PCDHGB7: variants seen among roughly 807,000 people sequenced by gnomAD.
PCDHGB7 encodes protocadherin gamma-B7.
In PCDHGB7, 37 loss-of-function variants were observed where a neutral mutation model predicts 61.4. The ratio of observed to expected loss-of-function variants is 0.60; its 90% CI spans 0.46 to 0.79. The LOEUF (loss-of-function observed/expected upper bound fraction) is 0.79, where lower values mean the gene tolerates loss of function less well. Among genes scored for constraint, PCDHGB7 ranks in the 30% least tolerant of loss-of-function variants. PCDHGB7 has a pLI of 0.00. For synonymous variants in PCDHGB7, 464 were observed against 503.5 expected, an observed-to-expected ratio of 0.92 and a Z score of 1.05; for missense variants, 1,166 against 1,202.5, an observed-to-expected ratio of 0.97 and a Z score of 0.45.
chr5:141,502,900 T>C (rs1433421797), intron 2 of PCDHGB7, among the ~76,000 whole-genome samples: 2 of 147,288 alleles, frequency 1.4e-5, no homozygotes, highest in Non-Finnish European at 3.0e-5. Flanking sequence ...TCTAGCTCTG[T>C]TGCCAGGCTG....
At chr5:141,498,011 G>A (rs995865984) in intron 2 of PCDHGB7, among the ~76,000 whole-genome samples, 2 of 152,204 alleles carry the variant, frequency 1.3e-5, no homozygotes, top group Non-Finnish European at 2.9e-5. Flanking sequence ...ACAGTGCACT[G>A]AAGGAGACAA....
intron 1 of PCDHGB7, chr5:141,478,477 C>T: frequency 6.2e-7 from 1 of 1,613,796 alleles, no homozygotes; most frequent in Non-Finnish European, 8.5e-7. Flanking sequence ...GCCGCCAGAA[C>T]ACGCTGCGGA....
At chr5:141,421,080 C>CA (rs2096545590) in intron 1 of PCDHGB7, 1 of 638,250 alleles carries the variant, frequency 1.6e-6, no homozygotes, top group East Asian at 2.9e-5. Context: ...GATGGATACT[C>CA]ACAGATCCTG....
chr5:141,511,581 T>C lies in PCDHGB7; in HGVS notation c.*408T>C, dbSNP rs2099883862. ...TCTTTCCCGAGTAAGGTGGTTGGGG[T>C]GTTGAAGTACCAAGTAACCTACAAG... On this transcript the variant is annotated 3_prime_UTR_variant, in exon 4 of 4. Transcript: ENST00000398594. 1 of 281,638 alleles carries C rather than the reference T, an allele frequency of 3.6e-6. No homozygotes were observed. The highest frequency in any genetic ancestry group is 2.2e-5 in the African/African-American group (1 of 46,302). 17.4% of individuals were successfully genotyped at this position (281,638 alleles called of 1,614,324 possible). A position where few individuals can be genotyped will look rare whatever the true frequency, so the allele number is the denominator to read the frequency against.
chr5:141,478,381 C>A (rs931860600), intron 1 of PCDHGB7: 1 of 1,613,664 alleles, frequency 6.2e-7, no homozygotes, highest in Admixed American at 1.7e-5. Flanking sequence ...TGTCGCCGCA[C>A]CTTTACCATC....
intron 1 of PCDHGB7, among the ~76,000 whole-genome samples, chr5:141,484,107 A>C (rs13361997): frequency 0.24 from 37,195 of 152,070 alleles, 6,332 homozygotes; most frequent in African/African-American, 0.48. Context: ...TAATTAACAA[A>C]AGATCAAGAA....
At chr5:141,506,432 C>A (rs2099853359) in intron 3 of PCDHGB7, among the ~76,000 whole-genome samples, 1 of 132,482 alleles carries the variant, frequency 7.5e-6, no homozygotes, top group Non-Finnish European at 1.6e-5. Context: ...GGGCAACAGT[C>A]TCGCTCTGTC....
chr5:141,441,155 T>A (rs2098229690), intron 1 of PCDHGB7: 1 of 152,230 alleles, frequency 6.6e-6, no homozygotes, highest in East Asian at 1.9e-4. Flanking sequence ...GACAATATCC[T>A]AGAGGCGATT....
intron 2 of PCDHGB7, among the ~76,000 whole-genome samples, chr5:141,500,939 G>T (rs2099804123): frequency 6.6e-6 from 1 of 151,680 alleles, no homozygotes; most frequent in South Asian, 2.1e-4. Context: ...CGCCATCTCG[G>T]CTCACTGCAA....
At position 141,490,502 on chromosome 5, in the gene PCDHGB7, T is replaced by C. The variant is rs1408615048; in HGVS notation, c.2416-4305T>C. On this transcript the variant is annotated intron_variant, in intron 1 of 3. Transcript: ENST00000398594. The surrounding 1 kb of genome is among the most constrained non-coding windows in gnomAD (Gnocchi z 5.4). Reference sequence around the variant, plus strand: ...GACCGGGAGGCCACATCCCACTATATCATCGAGCTGCTGGCCAGCGATGCT... The same window carrying C: ...GACCGGGAGGCCACATCCCACTATACCATCGAGCTGCTGGCCAGCGATGCT... 1.2e-6 allele frequency: 2 copies of C among 1,614,094 alleles called. No individual in the cohort carries two copies. The highest frequency in any genetic ancestry group is 1.1e-5 in the South Asian group (1 of 91,076).
chr5:141,459,989 A>G (rs2098979714), intron 1 of PCDHGB7, among the ~76,000 whole-genome samples: 1 of 152,204 alleles, frequency 6.6e-6, no homozygotes, highest in Non-Finnish European at 1.5e-5. Flanking sequence ...GAGACAGGAG[A>G]ATCGCTTGAA....
chr5:141,470,565 A>T (rs2099233471), intron 1 of PCDHGB7, among the ~76,000 whole-genome samples: 1 of 152,172 alleles, frequency 6.6e-6, no homozygotes, highest in African/African-American at 2.4e-5. Context: ...CCTCTGTGCC[A>T]AGCAGGATCA....
chr5:141,430,328 T>C (rs961978065), intron 1 of PCDHGB7, among the ~76,000 whole-genome samples: 1 of 152,036 alleles, frequency 6.6e-6, no homozygotes, highest in Non-Finnish European at 1.5e-5. Flanking sequence ...AAATCATTGT[T>C]TATAGAAACT....
chr5:141,489,425 G>T lies in PCDHGB7; in HGVS notation c.2416-5382G>T, dbSNP rs779739693. 6.2e-7 allele frequency: 1 copy of T among 1,614,118 alleles called. No homozygotes were observed. The highest frequency in any genetic ancestry group is 8.5e-7 in the Non-Finnish European group (1 of 1,180,030). The stretch of plus-strand genomic sequence containing the variant: ...TTAAAGATGACAGATCTGTTGAGCC[G>T]GCGGCTGCAATTGGGCTCTGAGGAG... On this transcript the variant is annotated intron_variant, in intron 1 of 3. Transcript: ENST00000398594. This position sits in a 1 kb window ranked among gnomAD's most constrained non-coding sequence, Gnocchi z 4.5.
chr5:141,424,195 A>C (rs2096804945), intron 1 of PCDHGB7: 1 of 183,680 alleles, frequency 5.4e-6, no homozygotes, highest in Non-Finnish European at 1.1e-5. Context: ...ACACACTTAT[A>C]CACGTAAGCT....
At chr5:141,422,963 C>A (rs372620011) in intron 1 of PCDHGB7, 1 of 1,614,120 alleles carries the variant, frequency 6.2e-7, no homozygotes, top group Non-Finnish European at 8.5e-7. Flanking sequence ...GTGGAGCTGG[C>A]GCCCCGCTCT....
intron 1 of PCDHGB7, chr5:141,423,558 G>T: frequency 1.2e-6 from 2 of 1,613,580 alleles, no homozygotes; most frequent in Non-Finnish European, 1.7e-6. Context: ...CCAACTATGG[G>T]GACACGCTCA....
intron 1 of PCDHGB7, chr5:141,430,844 A>C: frequency 6.4e-7 from 1 of 1,571,464 alleles, no homozygotes; most frequent in Non-Finnish European, 8.6e-7. Flanking sequence ...GACCGGATGC[A>C]CCCAGATACG....
intron 1 of PCDHGB7, among the ~76,000 whole-genome samples, chr5:141,460,983 GTATATA>G (rs59296681): frequency 0.23 from 32,081 of 137,558 alleles, 4,351 homozygotes; most frequent in African/African-American, 0.39. Context: ...GTGTGTGTGT[GTATATA>G]TATATATGTG....
Sources: allele counts gnomAD v4.1 joint callset (sites outside exome capture counted in the v4.1 genomes callset), GRCh38; gene constraint gnomAD v4.1.1; non-coding constraint Gnocchi (gnomAD v3.1); transcripts MANE v1.5; gene names NCBI Gene and HGNC (gene_info 2026-07-23, HGNC 2026-07-21).